Variants in EIF2B3 observed in about 807,000 individuals in gnomAD.
EIF2B3 encodes the protein translation initiation factor eIF2B subunit gamma.
Under a neutral mutation model 54.1 loss-of-function variants are expected in EIF2B3, and 20 were observed. The observed-to-expected ratio is 0.37, with a 90% CI of 0.26 to 0.54. The LOEUF is 0.54. Ranked by LOEUF, EIF2B3 falls within the 20% of genes least tolerant of loss-of-function variation. The probability of loss-of-function intolerance (pLI) is 0.86; values close to 1 mark genes in which losing one functional copy is unlikely to be tolerated. For missense variants in EIF2B3, 448 were observed against 547.8 expected (o/e 0.82, Z 1.82); for synonymous variants, 153 against 188.1 (o/e 0.81, Z 1.52).
intron 3 of EIF2B3, among the ~76,000 whole-genome samples, chr1:44,953,501 G>A (rs1272056232): frequency 6.6e-6 from 1 of 152,184 alleles, no homozygotes; most frequent in Non-Finnish European, 1.5e-5. Flanking sequence ...TTCTTGCCGG[G>A]TGCAGTGGCT....
chr1:44,921,893 TATA>T (rs1557686531), intron 5 of EIF2B3, among the ~76,000 whole-genome samples: 20 of 136,554 alleles, frequency 1.5e-4, no homozygotes, highest in African/African-American at 2.8e-4. Flanking sequence ...TCCATATATA[TATA>T]TTTTTTTATT....
intron 10 of EIF2B3, among the ~76,000 whole-genome samples, chr1:44,873,300 A>G (rs1655021323): frequency 6.6e-6 from 1 of 152,162 alleles, no homozygotes; most frequent in African/African-American, 2.4e-5. Flanking sequence ...AACTCTTTTA[A>G]TTCTTTCTGC....
intron 6 of EIF2B3, 27 bp downstream of exon 6, chr1:44,897,328 G>A: frequency 1.9e-6 from 3 of 1,551,496 alleles, no homozygotes; most frequent in Non-Finnish European, 2.7e-6. Context: ...AGTACTGTAG[G>A]TTTGACTCTA....
chr1:44,925,149 T>C (rs1468535362), intron 5 of EIF2B3: 4 of 152,146 alleles, frequency 2.6e-5, no homozygotes, highest in African/African-American at 9.7e-5. Context: ...AACATCATAG[T>C]TCTCTACCAT....
intron 5 of EIF2B3, among the ~76,000 whole-genome samples, chr1:44,911,120 G>A (rs1297228406): frequency 6.6e-6 from 1 of 152,152 alleles, no homozygotes; most frequent in Admixed American, 6.6e-5. Context: ...ACAGAAGGAA[G>A]TACTGTATTC....
intron 3 of EIF2B3, among the ~76,000 whole-genome samples, chr1:44,962,539 T>C (rs1644296314): frequency 6.6e-6 from 1 of 152,164 alleles, no homozygotes; most frequent in Admixed American, 6.6e-5. Flanking sequence ...GCTTCCCAAG[T>C]AGCTGTGACT....
At chr1:44,851,132 T>C (rs1654254578) in intron 11 of EIF2B3, 129 bp from the exon 12 acceptor site, 1 of 837,902 alleles carries the variant, frequency 1.2e-6, no homozygotes, top group Non-Finnish European at 2.0e-6. Flanking sequence ...TGGCACAATC[T>C]CGGCTTACTG....
intron 3 of EIF2B3, among the ~76,000 whole-genome samples, chr1:44,974,068 CA>C (rs796565612): frequency 3.5e-4 from 53 of 152,148 alleles, no homozygotes; most frequent in African/African-American, 1.3e-3. Context: ...CAGAAGCACC[CA>C]AAATCCACTT....
chr1:44,878,942 G>A (rs1227198446), intron 8 of EIF2B3, among the ~76,000 whole-genome samples: 1 of 151,328 alleles, frequency 6.6e-6, no homozygotes, highest in Non-Finnish European at 1.5e-5. Flanking sequence ...TAGTATTTTT[G>A]TAGAGACAGG....
At chr1:44,919,883 C>CTTTTTTTTTGTTTT (rs1643701976) in intron 5 of EIF2B3, among the ~76,000 whole-genome samples, 1 of 117,240 alleles carries the variant, frequency 8.5e-6, no homozygotes, top group African/African-American at 3.0e-5. Flanking sequence ...TGCCTGGCTA[C>CTTTTTTTTTGTTTT]TTTTTTTTTT....
At chr1:44,974,173 ATT>A (rs879618727) in intron 3 of EIF2B3, among the ~76,000 whole-genome samples, 1 of 146,126 alleles carries the variant, frequency 6.8e-6, no homozygotes, top group Non-Finnish European at 1.5e-5. Flanking sequence ...CAATGAGACA[ATT>A]TTTTTTTTTT....
At chr1:44,941,450 G>A (rs1644020349) in intron 4 of EIF2B3, 56 bp downstream of exon 4, 2 of 1,545,872 alleles carry the variant, frequency 1.3e-6, no homozygotes, top group Non-Finnish European at 1.7e-6. Context: ...GAAAGCATGA[G>A]TGAGAATAAT....
intron 3 of EIF2B3, among the ~76,000 whole-genome samples, chr1:44,949,547 G>A (rs1229758597): frequency 6.6e-6 from 1 of 152,182 alleles, no homozygotes; most frequent in East Asian, 1.9e-4. Flanking sequence ...TTTAGAAACA[G>A]TATACATTCT....
At chr1:44,945,698 T>C (rs915088762) in intron 3 of EIF2B3, among the ~76,000 whole-genome samples, 9 of 152,042 alleles carry the variant, frequency 5.9e-5, no homozygotes, top group African/African-American at 1.9e-4. Context: ...GAATCCTACT[T>C]AGAACAATGC....
chr1:44,850,715 CTG>C lies in EIF2B3; in HGVS notation c.*234_*235del, dbSNP rs916312002. The C allele has an allele frequency of 1.8e-6, 1 of 562,858 alleles. No homozygotes were observed. Among genetic ancestry groups the C allele is most frequent in the African/African-American group, 1.9e-5 (1 of 52,870 alleles). The allele number at this position is 562,858 out of a possible 1,614,324, so 34.9% of individuals were successfully genotyped here. ...ATCTTGGCACACAAGAGTTAGGCCA[CTG>C]TATCTGTCCTGTCCCACACACTTGC... is the stretch of plus-strand genomic sequence containing the variant. On this transcript the variant is annotated 3_prime_UTR_variant, in exon 12 of 12. Transcript: ENST00000360403.
rs534193913 is a variant in EIF2B3 at position 44,958,566 on chromosome 1, T to C, written c.295-16901A>G. 111 of 1,417,940 alleles carry C rather than the reference T, an allele frequency of 7.8e-5. No homozygotes were observed. In the African/African-American group the frequency reaches 1.3e-3, roughly 17 times the overall value. The allele number at this position is 1,417,940 out of a possible 1,614,324, so 87.8% of individuals were successfully genotyped here. On this transcript the variant is annotated intron_variant, in intron 3 of 11. Coordinates refer to ENST00000360403, the MANE Select transcript of EIF2B3 (RefSeq NM_020365.5). ...ACCTCACTATCCTATTATGTCTTTG[T>C]GTGAAGACATGCTACTTTGTAATTA...
chr1:44,895,485 A>G (rs1655937997), intron 6 of EIF2B3, among the ~76,000 whole-genome samples: 1 of 152,036 alleles, frequency 6.6e-6, no homozygotes, highest in South Asian at 2.1e-4. Context: ...TGTGATAATG[A>G]TATTAAGGTA....
chr1:44,908,391 ATCT>A (rs926129855), intron 5 of EIF2B3, among the ~76,000 whole-genome samples: 2 of 152,216 alleles, frequency 1.3e-5, no homozygotes, highest in African/African-American at 4.8e-5. Flanking sequence ...GATTAGAAAA[ATCT>A]TCACAGAAAA....
intron 3 of EIF2B3, among the ~76,000 whole-genome samples, chr1:44,963,685 A>C (rs1470718834): frequency 6.6e-6 from 1 of 152,158 alleles, no homozygotes; most frequent in Non-Finnish European, 1.5e-5. Flanking sequence ...ACTTCCCATA[A>C]ATTGTACTGC....
Sources: allele counts gnomAD v4.1 joint callset (sites outside exome capture counted in the v4.1 genomes callset), GRCh38; gene constraint gnomAD v4.1.1; transcripts MANE v1.5; gene names NCBI Gene and HGNC (gene_info 2026-07-23, HGNC 2026-07-21).